Variants in LZTR1 observed in about 807,000 individuals in gnomAD.
LZTR1 encodes leucine zipper like post translational regulator 1, also known as leucine-zipper-like transcriptional regulator 1.
In LZTR1, 260 loss-of-function variants were observed where a neutral mutation model predicts 105.7. That is an observed-to-expected ratio of 2.46 (90% confidence interval 2.22 to 2.72). LZTR1 has a LOEUF of 2.72. Among genes scored for constraint, LZTR1 ranks in the 30% most tolerant of loss-of-function variants. The pLI, the probability that LZTR1 is intolerant of heterozygous loss-of-function variation, is 0.00. For missense variants in LZTR1, 1,214 were observed against 1,166.9 expected (o/e 1.04, Z -0.59); for synonymous variants, 490 against 476.4 (o/e 1.03, Z -0.37).
At position 20,994,936 on chromosome 22, in the gene LZTR1, G is replaced by T; in HGVS notation, c.1852G>T (p.Glu618Ter). ...CCAGGTGATCATGATGAAGGAGTTC[G>T]AGCGCCTCTCCTCTCCACTGATAGT... ...FNQVIMMKEFERLSSPLIVEI... is the reference protein window; with the variant it reads ...FNQVIMMKEF Residue 618 changes from glutamate to a stop codon, truncating the protein, a stop_gained, in exon 16 of 21, where the codon GAG (glutamate) becomes TAG (stop). Coordinates refer to ENST00000646124, the MANE Select transcript of LZTR1 (RefSeq NM_006767.4). LOFTEE classifies it high-confidence loss of function. 1 of 1,613,376 alleles carries T rather than the reference G, an allele frequency of 6.2e-7. No individual in the cohort carries two copies. The highest frequency in any genetic ancestry group is 1.1e-5 in the South Asian group (1 of 91,078).
At chr22:20,990,925 C>G (rs1259398073) in intron 8 of LZTR1, 1 of 186,044 alleles carries the variant, frequency 5.4e-6, no homozygotes, top group Non-Finnish European at 1.1e-5. Context: ...CCCTTGATCC[C>G]TGCAATGGGG....
rs1924817481 is a variant in LZTR1 at position 20,995,804 on chromosome 22, T to C, written c.2001T>C (p.Cys667=). The change falls in exon 17 of 21, where the codon TGT becomes TGC. Residue 667 remains cysteine, a synonymous_variant. Coordinates refer to ENST00000646124, the MANE Select transcript of LZTR1 (RefSeq NM_006767.4). The part of the protein sequence containing the change: ...AYLEGAGAEF[C]DITLLLDGHP... The stretch of plus-strand genomic sequence containing the variant: ...TGGAGGGAGCGGGCGCGGAATTCTG[T>C]GACATCACTCTGTTGCTTGACGGGC... The C allele has an allele frequency of 1.2e-6, 2 of 1,613,308 alleles. No individual in the cohort carries two copies. The highest frequency in any genetic ancestry group is 1.7e-6 in the Non-Finnish European group (2 of 1,179,964).
chr22:20,991,795 C>G lies in LZTR1; in HGVS notation c.959C>G (p.Thr320Ser). ...CACTGCTATGACGTGGACTTCCAGA[C>G]CTGGGAGGTCGTCCAGCCCAGCTCC... ...ELHCYDVDFQ[T>S]WEVVQPSSDS... Residue 320 changes from threonine to serine, a missense_variant, in exon 9 of 21, where the codon ACC becomes AGC. By Grantham distance (58) the Thr-to-Ser change is moderately conservative (BLOSUM62 1). Transcript: ENST00000646124. The G allele has an allele frequency of 6.4e-7, 1 of 1,551,860 alleles. No homozygotes were observed. Among genetic ancestry groups the G allele is most frequent in the Non-Finnish European group, 8.7e-7 (1 of 1,147,484 alleles).
At chr22:20,985,004 A>G (rs1051056413) in intron 2 of LZTR1, among the ~76,000 whole-genome samples, 3 of 151,504 alleles carry the variant, frequency 2.0e-5, no homozygotes, top group Non-Finnish European at 4.4e-5. Flanking sequence ...TGGGAAGATC[A>G]CTTGAGGCCA....
At chr22:20,984,114 G>T (rs1417068458) in intron 2 of LZTR1, among the ~76,000 whole-genome samples, 1 of 152,162 alleles carries the variant, frequency 6.6e-6, no homozygotes, top group Non-Finnish European at 1.5e-5. Context: ...TGTTTCTTGT[G>T]ACTGAGGCCT....
In LZTR1 at chr22:20,995,994, C is replaced by T. The variant is rs1215936951; in HGVS notation, c.2101C>T (p.Pro701Ser). 8 of 1,613,636 alleles carry T rather than the reference C, an allele frequency of 5.0e-6. No individual in the cohort carries two copies. Among genetic ancestry groups the T allele is most frequent in the Non-Finnish European group, 5.9e-6 (7 of 1,180,026 alleles). ...YFEAMFRSFM[P>S]EDGQVNISIG... is the part of the protein sequence containing the mutation. Reference sequence around the variant, plus strand: ...TGAAGCCATGTTCCGGTCCTTCATGCCCGAAGATGGGCAGGTGAACATCTC... The same window carrying T: ...TGAAGCCATGTTCCGGTCCTTCATGTCCGAAGATGGGCAGGTGAACATCTC... Residue 701 changes from proline (P) to serine (S), a missense_variant, in exon 18 of 21, where the codon CCC (proline) becomes TCC (serine). Coordinates refer to ENST00000646124, the MANE Select transcript of LZTR1 (RefSeq NM_006767.4).
intron 5 of LZTR1, 27 bp downstream of exon 5, chr22:20,988,145 G>A: frequency 6.8e-7 from 1 of 1,469,734 alleles, no homozygotes; most frequent in Non-Finnish European, 9.5e-7. Flanking sequence ...AAACATTTGG[G>A]ACAGGCTGGG....
chr22:20,988,705 G>T, intron 5 of LZTR1, 84 bp from the exon 6 acceptor site: 1 of 937,664 alleles, frequency 1.1e-6, no homozygotes. Flanking sequence ...CCTGGCTGTG[G>T]CCCCTGCACT....
At chr22:20,988,596 T>A (rs909092282) in intron 5 of LZTR1, among the ~76,000 whole-genome samples, 193 bp from the exon 6 acceptor site, 2 of 152,176 alleles carry the variant, frequency 1.3e-5, no homozygotes, top group Non-Finnish European at 2.9e-5. Context: ...CTGTCTGAAT[T>A]CCTCTTCAAG....
At chr22:20,991,973 C>G (rs937577251) in intron 9 of LZTR1, 144 bp downstream of exon 9, 3 of 832,350 alleles carry the variant, frequency 3.6e-6, no homozygotes, top group Non-Finnish European at 3.7e-6. Context: ...GGGCCTCAGC[C>G]CTGGACACCT....
At chr22:20,984,622 G>GCGT (rs372217573) in intron 2 of LZTR1, among the ~76,000 whole-genome samples, 1 of 132,794 alleles carries the variant, frequency 7.5e-6, no homozygotes, top group African/African-American at 2.8e-5. Flanking sequence ...GAGGGGGGGG[G>GCGT]GGCGGTATCA....
chr22:20,996,966 G>A lies in LZTR1; in HGVS notation c.2406G>A (p.Lys802=), dbSNP rs1284200353. 3.1e-6 allele frequency: 5 copies of A among 1,613,668 alleles called. No homozygotes were observed. The highest frequency in any genetic ancestry group is 2.2e-5 in the East Asian group (1 of 44,884). The change falls in exon 20 of 21, where the codon AAG becomes AAA. Residue 802 remains lysine, a splice_region_variant and synonymous_variant. Transcript: ENST00000646124. ...ACATCATTGTGCACCAGTTCACCAA[G>A]GTCAGGGCTCTGGCCTCCCCTTCAG... is the stretch of plus-strand genomic sequence containing the variant. ...CLHIIVHQFT[K]VSKLPTLRSL...
rs1386054181 is a variant in LZTR1 at position 20,991,789 on chromosome 22, TC to T, written c.955del (p.Gln319ArgfsTer32). 34 of 1,552,670 alleles carry T rather than the reference TC, an allele frequency of 2.2e-5. No homozygotes were observed. The highest frequency in any genetic ancestry group is 2.8e-5 in the Non-Finnish European group (32 of 1,147,974). On this transcript the variant is annotated frameshift_variant, in exon 9 of 21. Coordinates refer to ENST00000646124, the MANE Select transcript of LZTR1 (RefSeq NM_006767.4). LOFTEE classifies it high-confidence loss of function. ...GAGCTGCACTGCTATGACGTGGACT[TC>T]CAGACCTGGGAGGTCGTCCAGCCCA... ...PNELHCYDVD[F>X]QTWEVVQPSS...
intron 8 of LZTR1, 114 bp downstream of exon 8, chr22:20,990,639 T>G: frequency 3.1e-5 from 34 of 1,084,552 alleles, no homozygotes; most frequent in Non-Finnish European, 4.0e-5. Flanking sequence ...TTGTGAGCTC[T>G]GCAAACAGCA....
Position 20,994,611 on chromosome 22 carries a change from T to G in LZTR1, c.1669T>G (p.Phe557Val). Reference protein sequence around the residue: ...IMDVYKLALSFQLCRLEQLCR... With the variant: ...IMDVYKLALSVQLCRLEQLCR... ...GGATGTGTACAAACTGGCACTGAGC[T>G]TCCAGTTGTGCCGCCTGGAGCAGCT... Residue 557 changes from phenylalanine (F) to valine (V), a missense_variant, in exon 15 of 21, where the codon TTC (phenylalanine) becomes GTC (valine). Physicochemically the swap from Phe to Val is conservative, Grantham distance 50. Coordinates refer to ENST00000646124, the MANE Select transcript of LZTR1 (RefSeq NM_006767.4). 1.9e-6 allele frequency: 3 copies of G among 1,612,750 alleles called. No individual in the cohort carries two copies. The highest frequency in any genetic ancestry group is 2.5e-6 in the Non-Finnish European group (3 of 1,179,958).
intron 16 of LZTR1, chr22:20,995,433 T>G: frequency 1.6e-6 from 1 of 629,330 alleles, no homozygotes. Flanking sequence ...CTTGGTGATG[T>G]CTGCAGGCAC....
In LZTR1 at chr22:20,995,979, T is replaced by A. The variant is rs759679943; in HGVS notation, c.2086T>A (p.Phe696Ile). 1.2e-6 allele frequency: 2 copies of A among 1,613,764 alleles called. No individual in the cohort carries two copies. Among genetic ancestry groups the A allele is most frequent in the Admixed American group, 3.3e-5 (2 of 60,024 alleles). ...TGTCTGCAGCTACTTTGAAGCCATGTTCCGGTCCTTCATGCCCGAAGATGG... is the reference window on the plus strand; with the variant it reads ...TGTCTGCAGCTACTTTGAAGCCATGATCCGGTCCTTCATGCCCGAAGATGG... ...AARSSYFEAMFRSFMPEDGQV... is the reference protein window; with the variant it reads ...AARSSYFEAMIRSFMPEDGQV... The change falls in exon 18 of 21, where the codon TTC (phenylalanine) becomes ATC (isoleucine). Residue 696 changes from phenylalanine to isoleucine, a missense_variant. Physicochemically the swap from Phe to Ile is conservative, Grantham distance 21 (BLOSUM62 0). Transcript: ENST00000646124.
intron 2 of LZTR1, among the ~76,000 whole-genome samples, 165 bp from the exon 3 acceptor site, chr22:20,985,676 G>T (rs139318966): frequency 6.6e-6 from 1 of 152,148 alleles, no homozygotes; most frequent in African/African-American, 2.4e-5. Context: ...AGCCTCCTTT[G>T]TGGTCACCAC....
At chr22:20,988,327 A>G (rs1310514299) in intron 5 of LZTR1, among the ~76,000 whole-genome samples, 1 of 152,206 alleles carries the variant, frequency 6.6e-6, no homozygotes, top group African/African-American at 2.4e-5. Flanking sequence ...CAAATGGACC[A>G]GGCGTGGTGG....
Sources: gnomAD v4.1 joint callset for allele counts (sites outside exome capture counted in the v4.1 genomes callset) on GRCh38, gnomAD v4.1.1 for gene constraint, MANE v1.5 for transcripts, NCBI Gene and HGNC (gene_info 2026-07-23, HGNC 2026-07-21) for gene names.